INPP4B: variants seen among roughly 807,000 people sequenced by gnomAD.
INPP4B encodes inositol polyphosphate 4-phosphatase type II.
Under a neutral mutation model 122.5 loss-of-function variants are expected in INPP4B, and 55 were observed. The observed-to-expected ratio is 0.45, with a 90% CI of 0.36 to 0.56. INPP4B has a LOEUF of 0.56. INPP4B is among the 20% of genes least tolerant of loss of function. The probability of loss-of-function intolerance (pLI) is 0.00; values close to 1 mark genes in which losing one functional copy is unlikely to be tolerated. For synonymous variants in INPP4B, 403 were observed against 388.7 expected (o/e 1.04, Z -0.43); for missense variants, 1,000 against 1,097.7 (o/e 0.91, Z 1.26).
chr4:142,305,809 C>G, intron 8 of INPP4B: 1 of 1,196,590 alleles, frequency 8.4e-7, no homozygotes, highest in South Asian at 1.9e-5. Context: ...AGTTGTTTCA[C>G]TAACTATAAT....
intron 7 of INPP4B, among the ~76,000 whole-genome samples, chr4:142,320,818 C>T (rs1579725658): frequency 6.6e-6 from 1 of 152,242 alleles, no homozygotes; most frequent in East Asian, 1.9e-4. Context: ...CTGTGAATGC[C>T]ATTATTTGAT....
intron 2 of INPP4B, among the ~76,000 whole-genome samples, chr4:142,663,178 C>T (rs1209921020): frequency 6.6e-6 from 1 of 152,126 alleles, no homozygotes; most frequent in African/African-American, 2.4e-5. Flanking sequence ...CAGAAGTAGT[C>T]AGGCGAGTTA....
At chr4:142,323,246 T>C (rs996708745) in intron 7 of INPP4B, among the ~76,000 whole-genome samples, 1 of 152,012 alleles carries the variant, frequency 6.6e-6, no homozygotes, top group Non-Finnish European at 1.5e-5. Flanking sequence ...ATGCAGTATC[T>C]CAGGCTTACC....
At position 142,405,332 on chromosome 4, in the gene INPP4B, C is replaced by G. The variant is rs749897238; in HGVS notation, c.137-8G>C. 3.3e-6 allele frequency: 5 copies of G among 1,519,032 alleles called. No individual in the cohort carries two copies. The highest frequency in any genetic ancestry group is 4.6e-6 in the Non-Finnish European group (5 of 1,094,376). The allele number at this position is 1,519,032 out of a possible 1,614,324, so 94.1% of individuals were successfully genotyped here. ...CCACGAGATCCTTGCATGCTGGCAA[C>G]GGCAGAGGAGACAGAAAGAAAAGAA... On this transcript the variant is annotated splice_polypyrimidine_tract_variant and splice_region_variant and intron_variant, in intron 5 of 25. Transcript: ENST00000262992.
intron 2 of INPP4B, among the ~76,000 whole-genome samples, chr4:142,638,372 G>T (rs7680076): frequency 0.65 from 99,131 of 151,904 alleles, 33,567 homozygotes; most frequent in East Asian, 0.81. Flanking sequence ...TTTCATGAAC[G>T]GTATAAAATC....
At chr4:142,845,966 G>T (rs563123188) in intron 1 of INPP4B, among the ~76,000 whole-genome samples, 1 of 152,028 alleles carries the variant, frequency 6.6e-6, no homozygotes, top group Non-Finnish European at 1.5e-5. Flanking sequence ...GGGTAGGCGC[G>T]GTGACAGGGG....
chr4:142,542,996 C>T (rs556771772), intron 2 of INPP4B, among the ~76,000 whole-genome samples: 102 of 152,136 alleles, frequency 6.7e-4, no homozygotes, highest in Middle Eastern at 3.4e-3. Flanking sequence ...ATGCTTAAAG[C>T]GGTATCTTTC....
chr4:142,640,237 A>G (rs1040144149), intron 2 of INPP4B, among the ~76,000 whole-genome samples: 10 of 152,090 alleles, frequency 6.6e-5, no homozygotes, highest in African/African-American at 2.4e-4. Flanking sequence ...CAAAGAAATA[A>G]CCAAAATGCT....
At chr4:142,204,600 C>G (rs1311338182) in intron 14 of INPP4B, among the ~76,000 whole-genome samples, 1 of 151,960 alleles carries the variant, frequency 6.6e-6, no homozygotes, top group East Asian at 1.9e-4. Flanking sequence ...AAGTTCTTTA[C>G]AGATATAATC....
At chr4:142,074,214 G>A (rs979131006) in intron 25 of INPP4B, among the ~76,000 whole-genome samples, 1 of 152,096 alleles carries the variant, frequency 6.6e-6, no homozygotes, top group African/African-American at 2.4e-5. Context: ...TATAAATGCT[G>A]GAAACCTTTC....
intron 1 of INPP4B, among the ~76,000 whole-genome samples, chr4:142,754,798 G>A (rs1341097930): frequency 6.6e-6 from 1 of 151,914 alleles, no homozygotes; most frequent in African/African-American, 2.4e-5. Flanking sequence ...AGATAAAATT[G>A]CTTAATGATT....
chr4:142,380,803 C>T lies in INPP4B; in HGVS notation c.372+22135G>A, dbSNP rs116356079. Among the ~76,000 whole-genome samples the T allele has an allele frequency of 8.3e-3, 1,266 of 151,810 alleles. 17 individuals are homozygous for T. The highest frequency in any genetic ancestry group is 0.029 in the African/African-American group (1,211 of 41,444). ...TAAATGTAAACAAAAATAAACATACCTAAATACATTTTTCATTATTAGTTT... is the reference window on the plus strand; with the variant it reads ...TAAATGTAAACAAAAATAAACATACTTAAATACATTTTTCATTATTAGTTT... On this transcript the variant is annotated intron_variant, in intron 7 of 25. Transcript: ENST00000262992.
intron 1 of INPP4B, among the ~76,000 whole-genome samples, chr4:142,810,478 A>G (rs1779374819): frequency 6.6e-6 from 1 of 152,194 alleles, no homozygotes. Context: ...TTATTTATTC[A>G]TTGATTCAGA....
chr4:142,768,482 C>T (rs1042257656), intron 1 of INPP4B, among the ~76,000 whole-genome samples: 1 of 152,184 alleles, frequency 6.6e-6, no homozygotes, highest in African/African-American at 2.4e-5. Flanking sequence ...ACAATCTTAG[C>T]AGTCACATAG....
intron 2 of INPP4B, among the ~76,000 whole-genome samples, chr4:142,581,232 T>A (rs1352307538): frequency 6.6e-6 from 1 of 152,014 alleles, no homozygotes; most frequent in African/African-American, 2.4e-5. Flanking sequence ...AGTACATATT[T>A]TATATTTCTC....
intron 15 of INPP4B, among the ~76,000 whole-genome samples, chr4:142,175,216 A>G (rs1043008998): frequency 1.3e-5 from 2 of 152,160 alleles, no homozygotes; most frequent in Admixed American, 6.6e-5. Flanking sequence ...TATCAGCTCA[A>G]TTATTTAAAT....
chr4:142,430,590 A>G, intron 4 of INPP4B, among the ~76,000 whole-genome samples: 1 of 152,228 alleles, frequency 6.6e-6, no homozygotes, highest in South Asian at 2.1e-4. Flanking sequence ...AAGAAAACAT[A>G]CAATTCTTCC....
intron 7 of INPP4B, among the ~76,000 whole-genome samples, chr4:142,329,332 A>C (rs772640061): frequency 6.6e-6 from 1 of 152,208 alleles, no homozygotes. Flanking sequence ...ATGCAACATC[A>C]AGTGCAAAGG....
intron 2 of INPP4B, among the ~76,000 whole-genome samples, chr4:142,490,845 C>T (rs1249806786): frequency 6.6e-6 from 1 of 152,154 alleles, no homozygotes; most frequent in Non-Finnish European, 1.5e-5. Flanking sequence ...ACTTATTTCA[C>T]TTAGCATATT....
Sources: allele counts gnomAD v4.1 joint callset (sites outside exome capture counted in the v4.1 genomes callset), GRCh38; gene constraint gnomAD v4.1.1; transcripts MANE v1.5; gene names NCBI Gene and HGNC (gene_info 2026-07-23, HGNC 2026-07-21).